PIEZO2: variants seen among roughly 807,000 people sequenced by gnomAD.
The protein encoded by PIEZO2 is piezo-type mechanosensitive ion channel component 2.
Under a neutral mutation model 337.3 loss-of-function variants are expected in PIEZO2, and 172 were observed. The observed-to-expected ratio is 0.51, with a 90% CI of 0.45 to 0.58. PIEZO2 has a LOEUF of 0.58. Among genes scored for constraint, PIEZO2 ranks in the 20% least tolerant of loss-of-function variants. The pLI, the probability that PIEZO2 is intolerant of heterozygous loss-of-function variation, is 0.00. For missense variants in PIEZO2, 3,028 were observed against 3,391.3 expected (o/e 0.89, Z 2.66); for synonymous variants, 1,251 against 1,228.5 (o/e 1.02, Z -0.38).
chr18:10,813,976 T>TC lies in PIEZO2; in HGVS notation c.918-6703_918-6702insG, dbSNP rs374921555. Among the ~76,000 whole-genome samples the TC allele has an allele frequency of 1.3e-5, 2 of 152,084 alleles. No individual in the cohort carries two copies. Among genetic ancestry groups the TC allele is most frequent in the African/African-American group, 4.8e-5 (2 of 41,474 alleles). On this transcript the variant is annotated intron_variant, in intron 7 of 55. Coordinates refer to ENST00000674853, the MANE Select transcript of PIEZO2 (RefSeq NM_001378183.1). This position sits in a 1 kb window ranked among gnomAD's most constrained non-coding sequence, Gnocchi z 4.2. Reference sequence around the variant, plus strand: ...TGTGAGATGGGACACCATATATTTTTTTTTTTTTTGAGATGGAGTTTTGCT... The same window carrying TC: ...TGTGAGATGGGACACCATATATTTTTCTTTTTTTTTGAGATGGAGTTTTGCT...
At position 11,120,404 on chromosome 18, in the gene PIEZO2, C is replaced by A. The variant is rs181217551; in HGVS notation, c.64+28121G>T. Among the ~76,000 whole-genome samples the A allele has an allele frequency of 1.1e-3, 164 of 152,180 alleles. 2 individuals are homozygous for A. The highest frequency in any genetic ancestry group is 1.2e-3 in the East Asian group (6 of 5,188). On this transcript the variant is annotated intron_variant, in intron 1 of 55. Coordinates refer to ENST00000674853, the MANE Select transcript of PIEZO2 (RefSeq NM_001378183.1). Reference sequence around the variant, plus strand: ...CATTTTTTTGCATCCTGAGGGAAGTCAGTCACTTCAGCATTTAAACAGGAC... The same window carrying A: ...CATTTTTTTGCATCCTGAGGGAAGTAAGTCACTTCAGCATTTAAACAGGAC...
At position 10,724,131 on chromosome 18, in the gene PIEZO2, C is replaced by T. The variant is rs1183091170; in HGVS notation, c.5030-5872G>A. Among the ~76,000 whole-genome samples, 2 of 152,164 alleles carry T rather than the reference C, an allele frequency of 1.3e-5. No homozygotes were observed. The highest frequency in any genetic ancestry group is 1.9e-4 in the East Asian group (1 of 5,184). On this transcript the variant is annotated intron_variant, in intron 36 of 55. Transcript: ENST00000674853. The surrounding 1 kb of genome is among the most constrained non-coding windows in gnomAD (Gnocchi z 5.8). The stretch of plus-strand genomic sequence containing the variant: ...AGAGATTAGAATCATGAATAAGGGG[C>T]TCAGTCCTTGCCTTCAGGAGCTCAG...
chr18:10,987,040 G>C (rs543139511), intron 2 of PIEZO2, among the ~76,000 whole-genome samples: 46 of 152,052 alleles, frequency 3.0e-4, no homozygotes, highest in African/African-American at 1.1e-3. Flanking sequence ...ATAAAACATT[G>C]TTGAAAGAAA....
intron 32 of PIEZO2, among the ~76,000 whole-genome samples, chr18:10,742,120 A>C (rs577322501): frequency 2.4e-4 from 36 of 152,322 alleles, no homozygotes; most frequent in African/African-American, 8.2e-4. Flanking sequence ...TCGCCACTGC[A>C]CTCCAGCCTG....
At chr18:10,913,901 A>C (rs1440202187) in intron 3 of PIEZO2, among the ~76,000 whole-genome samples, 2 of 152,070 alleles carry the variant, frequency 1.3e-5, no homozygotes, top group Non-Finnish European at 2.9e-5. Context: ...AACCATCTTA[A>C]CATGCTAGGT....
intron 1 of PIEZO2, among the ~76,000 whole-genome samples, chr18:11,142,147 A>C (rs937963655): frequency 6.6e-6 from 1 of 152,222 alleles, no homozygotes; most frequent in Non-Finnish European, 1.5e-5. Context: ...AATAAAACTT[A>C]TATGTATATG....
intron 47 of PIEZO2, among the ~76,000 whole-genome samples, chr18:10,695,443 G>T (rs528046249): frequency 2.2e-4 from 34 of 152,302 alleles, no homozygotes; most frequent in Admixed American, 1.1e-3. Context: ...GCCCTTTCCT[G>T]ACAGCTTCTG....
At chr18:10,762,376 T>C in intron 23 of PIEZO2, 124 bp downstream of exon 23, 2 of 1,243,152 alleles carry the variant, frequency 1.6e-6, no homozygotes, top group Non-Finnish European at 2.2e-6. Context: ...GCAAAGGTGA[T>C]GCCAAATCCC....
chr18:10,963,025 G>A (rs1381680504), intron 3 of PIEZO2, among the ~76,000 whole-genome samples: 1 of 152,158 alleles, frequency 6.6e-6, no homozygotes, highest in East Asian at 1.9e-4. Flanking sequence ...GGTGGTTCAT[G>A]CCTGTAATCC....
rs2036791690 is a variant in PIEZO2 at position 11,032,880 on chromosome 18, G to A, written c.160+33247C>T. Among the ~76,000 whole-genome samples, 1 of 152,170 alleles carries A rather than the reference G, an allele frequency of 6.6e-6. No homozygotes were observed. Among genetic ancestry groups the A allele is most frequent in the Admixed American group, 6.5e-5 (1 of 15,284 alleles). On this transcript the variant is annotated intron_variant, in intron 2 of 55. Coordinates refer to ENST00000674853, the MANE Select transcript of PIEZO2 (RefSeq NM_001378183.1). This position sits in a 1 kb window ranked among gnomAD's most constrained non-coding sequence, Gnocchi z 4.9. ...GCATGTAACAGGCCTAATGAATGGA[G>A]TATCTGAGTAGCTCAGAAGACAGAG... is the stretch of plus-strand genomic sequence containing the variant.
At position 10,807,289 on chromosome 18, in the gene PIEZO2, A is replaced by T. The variant is rs1047166878; in HGVS notation, c.918-15T>A. On this transcript the variant is annotated splice_polypyrimidine_tract_variant and intron_variant, in intron 7 of 55. Transcript: ENST00000674853. ...TACCAAACAACCTGTTAAAAAACAA[A>T]GAAAAATGCTTAAAAGATGCAATAA... 1 of 1,529,692 alleles carries T rather than the reference A, an allele frequency of 6.5e-7. No individual in the cohort carries two copies. Among genetic ancestry groups the T allele is most frequent in the East Asian group, 2.5e-5 (1 of 40,786 alleles). The allele number at this position is 1,529,692 out of a possible 1,614,324, so 94.8% of individuals were successfully genotyped here.
Position 10,691,205 on chromosome 18 carries a change from G to C in PIEZO2, c.7349+20C>G, listed in dbSNP as rs1567952384. On this transcript the variant is annotated intron_variant, in intron 48 of 55. Coordinates refer to ENST00000674853, the MANE Select transcript of PIEZO2 (RefSeq NM_001378183.1). The stretch of plus-strand genomic sequence containing the variant: ...CTATTCTTCCCCCATAAGTGACTGT[G>C]ACGTTGCAGAGCGTCCTACCCTTGG... 6.2e-7 allele frequency: 1 copy of C among 1,608,222 alleles called. No individual in the cohort carries two copies.
chr18:10,722,369 T>C (rs1025836247), intron 36 of PIEZO2, among the ~76,000 whole-genome samples: 1 of 151,998 alleles, frequency 6.6e-6, no homozygotes. Flanking sequence ...TAGCTGGGAT[T>C]ACAGGTGCGT....
intron 3 of PIEZO2, among the ~76,000 whole-genome samples, chr18:10,970,574 T>C (rs1434545268): frequency 3.3e-5 from 5 of 152,126 alleles, no homozygotes; most frequent in African/African-American, 4.8e-5. Flanking sequence ...CAAGACATTA[T>C]AAATATGCCT....
rs2040875344 is a variant in PIEZO2 at position 11,148,759 on chromosome 18, G to A, written c.-171C>T. 1.6e-6 allele frequency: 1 copy of A among 635,426 alleles called. No individual in the cohort carries two copies. Among genetic ancestry groups the A allele is most frequent in the African/African-American group, 1.9e-5 (1 of 51,496 alleles). 39.4% of individuals were successfully genotyped at this position (635,426 alleles called of 1,614,324 possible). On this transcript the variant is annotated 5_prime_UTR_variant, in exon 1 of 56. Coordinates refer to ENST00000674853, the MANE Select transcript of PIEZO2 (RefSeq NM_001378183.1). This position sits in a 1 kb window ranked among gnomAD's most constrained non-coding sequence, Gnocchi z 5.2. ...TCTCCGCCCCGAGGGCACGCTCCCG[G>A]GGCTCTTGGCCGCCCCTCGCCCACC...
chr18:10,867,170 T>G lies in PIEZO2; in HGVS notation c.492+4083A>C, dbSNP rs373204280. On this transcript the variant is annotated intron_variant, in intron 5 of 55. Transcript: ENST00000674853. ...TTTCAAATGATCATGTCTGTGTACTTGAAGAAATGGGATCCAGGAAATTTA... is the reference window on the plus strand; with the variant it reads ...TTTCAAATGATCATGTCTGTGTACTGGAAGAAATGGGATCCAGGAAATTTA... 5.3e-4 allele frequency among the ~76,000 whole-genome samples: 80 copies of G among 152,316 alleles called. 1 individual carries two copies. The highest frequency in any genetic ancestry group is 1.9e-3 in the African/African-American group (79 of 41,562).
chr18:10,814,567 AAC>A (rs1277815906), intron 7 of PIEZO2, among the ~76,000 whole-genome samples: 2 of 152,186 alleles, frequency 1.3e-5, no homozygotes, highest in Non-Finnish European at 2.9e-5. Flanking sequence ...CTAGACTCAA[AAC>A]ACAGAAACCA....
At chr18:10,791,131 A>AT in intron 14 of PIEZO2, 70 bp downstream of exon 14, 1 of 1,407,160 alleles carries the variant, frequency 7.1e-7, no homozygotes, top group Non-Finnish European at 9.4e-7. Flanking sequence ...TGTCTGATGT[A>AT]TTTTGGGGCT....
At chr18:10,798,531 T>G (rs914861933) in intron 11 of PIEZO2, among the ~76,000 whole-genome samples, 2 of 152,208 alleles carry the variant, frequency 1.3e-5, no homozygotes, top group Non-Finnish European at 2.9e-5. Flanking sequence ...ACACCAAATC[T>G]GATGGATTTT....
Sources: allele counts gnomAD v4.1 joint callset (sites outside exome capture counted in the v4.1 genomes callset), GRCh38; gene constraint gnomAD v4.1.1; non-coding constraint Gnocchi (gnomAD v3.1); transcripts MANE v1.5; gene names NCBI Gene and HGNC (gene_info 2026-07-23, HGNC 2026-07-21).